MYO3B: variants seen among roughly 807,000 people sequenced by gnomAD.
MYO3B encodes myosin-IIIb.
A neutral mutation model predicts 174.6 loss-of-function variants in MYO3B; 156 were observed. The ratio of observed to expected loss-of-function variants is 0.89; its 90% CI spans 0.78 to 1.02. The LOEUF (loss-of-function observed/expected upper bound fraction) is 1.02. Ranked by LOEUF, MYO3B falls within the 50% of genes least tolerant of loss-of-function variation. The pLI is 0.00. For synonymous variants in MYO3B, 563 were observed against 569.1 expected, an observed-to-expected ratio of 0.99 and a Z score of 0.15; for missense variants, 1,632 against 1,639.4, an observed-to-expected ratio of 1.00 and a Z score of 0.08.
intron 7 of MYO3B, among the ~76,000 whole-genome samples, chr2:170,310,530 G>A (rs978528074): frequency 1.5e-4 from 23 of 151,944 alleles, no homozygotes; most frequent in African/African-American, 2.9e-4. Context: ...TGGGCATGTT[G>A]GTGGGCACCT....
intron 20 of MYO3B, among the ~76,000 whole-genome samples, chr2:170,404,770 T>C (rs192774379): frequency 6.6e-6 from 1 of 152,204 alleles, no homozygotes; most frequent in Admixed American, 6.5e-5. Context: ...TCTGATTTCA[T>C]GCAGAAGCCC....
chr2:170,613,871 A>C (rs1307176889), intron 32 of MYO3B, among the ~76,000 whole-genome samples: 1 of 152,166 alleles, frequency 6.6e-6, no homozygotes, highest in Non-Finnish European at 1.5e-5. Flanking sequence ...TTTGGGACTC[A>C]GCTGACTCTC....
intron 9 of MYO3B, among the ~76,000 whole-genome samples, chr2:170,371,110 C>T (rs970303767): frequency 6.7e-6 from 1 of 148,906 alleles, no homozygotes; most frequent in Non-Finnish European, 1.5e-5. Context: ...CCCAGCTGCT[C>T]GGGAGGCTGA....
At chr2:170,607,632 A>T (rs1159723957) in intron 32 of MYO3B, among the ~76,000 whole-genome samples, 1 of 152,248 alleles carries the variant, frequency 6.6e-6, no homozygotes, top group Non-Finnish European at 1.5e-5. Context: ...TGTAAAAGTA[A>T]TACAGTCTAT....
chr2:170,307,995 G>A (rs1317572687), intron 7 of MYO3B, among the ~76,000 whole-genome samples: 1 of 152,168 alleles, frequency 6.6e-6, no homozygotes, highest in Non-Finnish European at 1.5e-5. Context: ...TGCAACAGAT[G>A]TAAAGAATGA....
intron 32 of MYO3B, among the ~76,000 whole-genome samples, chr2:170,555,752 T>A (rs1441304241): frequency 6.6e-6 from 1 of 152,046 alleles, no homozygotes; most frequent in Non-Finnish European, 1.5e-5. Context: ...CATGTCTATA[T>A]TCCTAGCTAC....
chr2:170,483,613 C>T (rs1482432018), intron 25 of MYO3B, among the ~76,000 whole-genome samples: 1 of 125,870 alleles, frequency 7.9e-6, no homozygotes, highest in African/African-American at 5.0e-5. Flanking sequence ...GTCTCGATCT[C>T]CTGACCTCGT....
chr2:170,486,176 T>A (rs1265575670), intron 25 of MYO3B, among the ~76,000 whole-genome samples: 1 of 152,114 alleles, frequency 6.6e-6, no homozygotes, highest in Non-Finnish European at 1.5e-5. Context: ...TAATAGATTA[T>A]CTAGGGATAT....
At chr2:170,424,323 A>G (rs530516954) in intron 22 of MYO3B, among the ~76,000 whole-genome samples, 1 of 152,270 alleles carries the variant, frequency 6.6e-6, no homozygotes, top group Non-Finnish European at 1.5e-5. Flanking sequence ...TGTGTCTTTG[A>G]AAAAGAAAAA....
intron 32 of MYO3B, among the ~76,000 whole-genome samples, chr2:170,576,495 C>T (rs183215710): frequency 6.6e-6 from 1 of 152,308 alleles, no homozygotes; most frequent in East Asian, 1.9e-4. Flanking sequence ...TGTAGTTTTC[C>T]TCTAGCATCC....
chr2:170,466,436 C>G (rs1044993277), intron 24 of MYO3B, 70 bp from the exon 25 acceptor site: 2 of 1,430,680 alleles, frequency 1.4e-6, no homozygotes, highest in East Asian at 4.6e-5. Flanking sequence ...GAGGCTTCTG[C>G]GGGCCTGTGT....
chr2:170,519,448 C>G lies in MYO3B; in HGVS notation c.3483C>G (p.Gly1161=), dbSNP rs201438865. ...TTTCTTTTCTCTCAGTTCTCAGGGG[C>G]TCTGTACATCGTAGGAGCCATTCAC... ...SEPGDHKVLR[G]SVHRRSHSQA... is the part of the protein sequence containing the mutation. Residue 1161 remains glycine (G), a synonymous_variant, in exon 30 of 35, where the codon GGC becomes GGG. Transcript: ENST00000408978. The G allele has an allele frequency of 1.2e-5, 20 of 1,613,594 alleles. No individual in the cohort carries two copies. In the African/African-American group the frequency reaches 2.3e-4, roughly 18 times the overall value.
intron 1 of MYO3B, among the ~76,000 whole-genome samples, chr2:170,187,552 A>T (rs1001814710): frequency 1.3e-5 from 2 of 152,120 alleles, no homozygotes; most frequent in Admixed American, 6.6e-5. Context: ...TTTAACATGC[A>T]TCATTAAGTT....
chr2:170,544,110 T>G, intron 32 of MYO3B, 122 bp downstream of exon 32: 1 of 666,182 alleles, frequency 1.5e-6, no homozygotes, highest in East Asian at 3.1e-5. Context: ...GCAAAAAGTT[T>G]TGGGAAGCCA....
At chr2:170,351,108 T>A (rs1158611006) in intron 8 of MYO3B, 1 of 152,108 alleles carries the variant, frequency 6.6e-6, no homozygotes, top group Non-Finnish European at 1.5e-5. Context: ...ATATTCAGAA[T>A]GTTCATTGTG....
At chr2:170,337,596 T>C (rs2093953918) in intron 8 of MYO3B, among the ~76,000 whole-genome samples, 1 of 152,190 alleles carries the variant, frequency 6.6e-6, no homozygotes, top group Non-Finnish European at 1.5e-5. Flanking sequence ...CAGTTGACTC[T>C]TAAACAATGC....
chr2:170,369,973 C>T (rs1490694477), intron 9 of MYO3B, among the ~76,000 whole-genome samples: 2 of 152,102 alleles, frequency 1.3e-5, no homozygotes, highest in African/African-American at 4.8e-5. Context: ...TACCCTACCT[C>T]ATCCTCTTTT....
rs373607305 is a variant in MYO3B at position 170,392,491 on chromosome 2, A to G, written c.1787A>G (p.Asp596Gly). 6.5e-7 allele frequency: 1 copy of G among 1,544,774 alleles called. No homozygotes were observed. Among genetic ancestry groups the G allele is most frequent in the East Asian group, 2.3e-5 (1 of 42,880 alleles). The change falls in exon 16 of 35, where the codon GAC (aspartate) becomes GGC (glycine). Residue 596 changes from aspartate (D) to glycine (G), a missense_variant. Asp to Gly is a moderately conservative substitution (Grantham distance 94). Transcript: ENST00000408978. ...TGCTTCAGGATTATAGGGTTCACGG[A>G]CAAAGTAAGTGATGATCAAGAGAGG... The part of the protein sequence containing the change: ...QHCFRIIGFT[D>G]KEVHSVYRIL...
intron 12 of MYO3B, among the ~76,000 whole-genome samples, chr2:170,384,298 G>A (rs1230255806): frequency 2.6e-5 from 4 of 152,190 alleles, no homozygotes; most frequent in Non-Finnish European, 5.9e-5. Flanking sequence ...ATTGGGTAGA[G>A]AATGAACAAA....
Sources: allele counts gnomAD v4.1 joint callset (sites outside exome capture counted in the v4.1 genomes callset), GRCh38; gene constraint gnomAD v4.1.1; transcripts MANE v1.5; gene names NCBI Gene and HGNC (gene_info 2026-07-23, HGNC 2026-07-21).